Variants in DLC1 observed in about 807,000 individuals in gnomAD.
DLC1 encodes the protein DLC1 Rho GTPase activating protein.
Under a neutral mutation model 140.3 loss-of-function variants are expected in DLC1, and 54 were observed. The ratio of observed to expected loss-of-function variants is 0.38; its 90% confidence interval spans 0.31 to 0.48. The LOEUF is 0.48. Ranked by LOEUF, DLC1 falls within the 20% of genes least tolerant of loss-of-function variation. The pLI, the probability that DLC1 is intolerant of heterozygous loss-of-function variation, is 0.96. For missense variants in DLC1, 2,536 were observed against 1,907.0 expected (o/e 1.33, Z -6.14); for synonymous variants, 986 against 728.1 (o/e 1.35, Z -5.70).
At chr8:13,418,000 C>A (rs1373495839) in intron 2 of DLC1, among the ~76,000 whole-genome samples, 1 of 152,208 alleles carries the variant, frequency 6.6e-6, no homozygotes, top group Non-Finnish European at 1.5e-5. Context: ...CTTTTGGCTG[C>A]ATAAATGTCT....
intron 4 of DLC1, among the ~76,000 whole-genome samples, chr8:13,357,903 T>C (rs1835023576): frequency 6.6e-6 from 1 of 152,180 alleles, no homozygotes; most frequent in Non-Finnish European, 1.5e-5. Context: ...AGCCTCTTGA[T>C]CACAAAAAAT....
chr8:13,467,369 C>T (rs2117051410), intron 2 of DLC1, among the ~76,000 whole-genome samples: 1 of 151,970 alleles, frequency 6.6e-6, no homozygotes, highest in Middle Eastern at 3.4e-3. Context: ...CTCTTCTTCC[C>T]CTCCCCTCCT....
intron 1 of DLC1, among the ~76,000 whole-genome samples, chr8:13,587,141 T>C (rs1302398967): frequency 6.6e-6 from 1 of 151,060 alleles, no homozygotes; most frequent in Non-Finnish European, 1.5e-5. Flanking sequence ...TGGTGGCACA[T>C]ATACACCACA....
intron 5 of DLC1, among the ~76,000 whole-genome samples, chr8:13,291,953 A>G (rs17794589): frequency 0.05 from 7,619 of 150,972 alleles, 239 homozygotes; most frequent in South Asian, 0.13. Context: ...CTCAGATTCT[A>G]CCAGGAAACA....
chr8:13,382,230 G>C (rs1341465045), intron 4 of DLC1, among the ~76,000 whole-genome samples: 1 of 151,994 alleles, frequency 6.6e-6, no homozygotes, highest in African/African-American at 2.4e-5. Flanking sequence ...AGAGGAGGCC[G>C]GGCGCGGTGG....
intron 5 of DLC1, among the ~76,000 whole-genome samples, chr8:13,263,230 A>G (rs76100935): frequency 0.013 from 1,951 of 152,232 alleles, 44 homozygotes; most frequent in African/African-American, 0.044. Flanking sequence ...ATATTGTGTT[A>G]GGTATTATTA....
chr8:13,453,440 A>ATATATATATG (rs1799210326), intron 2 of DLC1, among the ~76,000 whole-genome samples: 1 of 22,372 alleles, frequency 4.5e-5, no homozygotes, highest in African/African-American at 1.9e-4. Flanking sequence ...ATATATATGT[A>ATATATATATG]TATATATACA....
At chr8:13,177,334 A>G (rs143440731) in intron 5 of DLC1, among the ~76,000 whole-genome samples, 1 of 152,346 alleles carries the variant, frequency 6.6e-6, no homozygotes, top group East Asian at 1.9e-4. Flanking sequence ...TATTAATGAT[A>G]TGTCATTAGT....
chr8:13,438,674 C>T (rs192877175), intron 2 of DLC1, among the ~76,000 whole-genome samples: 30 of 152,248 alleles, frequency 2.0e-4, no homozygotes, highest in Admixed American at 5.9e-4. Context: ...GCCGAGGAAA[C>T]GCCTCCCCTA....
At chr8:13,324,623 G>A (rs1263089730) in intron 4 of DLC1, among the ~76,000 whole-genome samples, 2 of 149,220 alleles carry the variant, frequency 1.3e-5, no homozygotes, top group African/African-American at 2.5e-5. Context: ...ACATGATATA[G>A]TTTTATTTTA....
chr8:13,545,406 G>A (rs932158980), intron 1 of DLC1, among the ~76,000 whole-genome samples: 4 of 151,824 alleles, frequency 2.6e-5, no homozygotes, highest in Non-Finnish European at 5.9e-5. Flanking sequence ...GGAAAACTTA[G>A]GTTGTTTCCC....
At chr8:13,427,232 C>G (rs1563337398) in intron 2 of DLC1, among the ~76,000 whole-genome samples, 1 of 152,186 alleles carries the variant, frequency 6.6e-6, no homozygotes, top group Non-Finnish European at 1.5e-5. Flanking sequence ...CATTGACTAT[C>G]AATGCATTGC....
chr8:13,428,263 T>C lies in DLC1; in HGVS notation c.1024-26644A>G, dbSNP rs115584052. Among the ~76,000 whole-genome samples, 632 of 152,162 alleles carry C rather than the reference T, an allele frequency of 4.2e-3. 4 individuals carry two copies. Among genetic ancestry groups the C allele is most frequent in the African/African-American group, 0.014 (601 of 41,462 alleles). On this transcript the variant is annotated intron_variant, in intron 2 of 17. Transcript: ENST00000276297. Reference sequence around the variant, plus strand: ...CTGTGTGCCCTGATACAATCATAAATTCATTTCAAGCATACATGTGGGTTT... The same window carrying C: ...CTGTGTGCCCTGATACAATCATAAACTCATTTCAAGCATACATGTGGGTTT...
rs115892913 is a variant in DLC1 at position 13,179,722 on chromosome 8, A to G, written c.1349-64065T>C. 6.9e-3 allele frequency among the ~76,000 whole-genome samples: 1,052 copies of G among 152,282 alleles called. 9 individuals carry two copies. The highest frequency in any genetic ancestry group is 0.024 in the African/African-American group (986 of 41,550). ...GGCCACAGTGCAAGACTCAGTCTCA[A>G]AAAAACAAAAACACACAGAAAAAAC... On this transcript the variant is annotated intron_variant, in intron 5 of 17. Coordinates refer to ENST00000276297, the MANE Select transcript of DLC1 (RefSeq NM_182643.3).
intron 4 of DLC1, among the ~76,000 whole-genome samples, chr8:13,332,052 G>A (rs1187983858): frequency 6.6e-6 from 1 of 152,072 alleles, no homozygotes; most frequent in East Asian, 1.9e-4. Context: ...TGATAAATTA[G>A]CTTCAGCATT....
At chr8:13,374,260 C>T (rs1238348574) in intron 4 of DLC1, among the ~76,000 whole-genome samples, 1 of 152,104 alleles carries the variant, frequency 6.6e-6, no homozygotes, top group African/African-American at 2.4e-5. Context: ...GACTTATCTT[C>T]TGACAAAGGA....
At chr8:13,431,312 T>C (rs1838853037) in intron 2 of DLC1, among the ~76,000 whole-genome samples, 1 of 151,294 alleles carries the variant, frequency 6.6e-6, no homozygotes, top group Non-Finnish European at 1.5e-5. Context: ...TGAAACCCCA[T>C]CTCTACTCAA....
At chr8:13,280,323 TA>T (rs765379363) in intron 5 of DLC1, among the ~76,000 whole-genome samples, 1 of 140,582 alleles carries the variant, frequency 7.1e-6, no homozygotes, top group Non-Finnish European at 1.5e-5. Flanking sequence ...AAAATGAGAA[TA>T]ATGACATTAT....
chr8:13,159,876 G>A (rs927418876), intron 5 of DLC1, among the ~76,000 whole-genome samples: 24 of 150,470 alleles, frequency 1.6e-4, no homozygotes, highest in Admixed American at 9.3e-4. Flanking sequence ...AAAAAAAGGC[G>A]AGGCCAGGTG....
Sources: gnomAD v4.1 joint callset for allele counts (sites outside exome capture counted in the v4.1 genomes callset) on GRCh38, gnomAD v4.1.1 for gene constraint, MANE v1.5 for transcripts, NCBI Gene and HGNC (gene_info 2026-07-23, HGNC 2026-07-21) for gene names.